Variants in NRXN1 observed in about 807,000 individuals in gnomAD.
NRXN1 encodes neurexin 1.
NRXN1 carries 39 observed loss-of-function variants against 150.9 expected under a neutral mutation model. The observed-to-expected ratio is 0.26, with a 90% CI of 0.20 to 0.34. NRXN1 has a LOEUF of 0.34. Ranked by LOEUF, NRXN1 falls within the 10% of genes least tolerant of loss-of-function variation. The pLI, the probability that NRXN1 is intolerant of heterozygous loss-of-function variation, is 1.00. For missense variants in NRXN1, 1,815 were observed against 1,949.9 expected (o/e 0.93, Z 1.30); for synonymous variants, 924 against 757.0 (o/e 1.22, Z -3.62).
chr2:50,067,316 C>A (rs954401234), intron 19 of NRXN1, among the ~76,000 whole-genome samples: 1 of 152,162 alleles, frequency 6.6e-6, no homozygotes, highest in Non-Finnish European at 1.5e-5. Context: ...TTTGTACAAG[C>A]ACTTGTTCCC....
chr2:50,537,016 T>C (rs781303080), intron 10 of NRXN1, among the ~76,000 whole-genome samples: 11 of 152,174 alleles, frequency 7.2e-5, no homozygotes, highest in Non-Finnish European at 1.6e-4. Context: ...GTTTAATATA[T>C]GATTTCTATG....
intron 18 of NRXN1, among the ~76,000 whole-genome samples, chr2:50,204,564 C>A (rs1013001922): frequency 2.6e-5 from 4 of 151,758 alleles, no homozygotes; most frequent in African/African-American, 9.7e-5. Flanking sequence ...TTAGAAGGGG[C>A]CTTAAAAATG....
chr2:50,872,139 AAGTT>A lies in NRXN1; in HGVS notation c.832+49726_832+49729del, dbSNP rs1293094329. On this transcript the variant is annotated intron_variant, in intron 5 of 22. Coordinates refer to ENST00000401669, the MANE Select transcript of NRXN1 (RefSeq NM_001330078.2). ...TTATGTGTGTGTATGCATGTGACAT[AAGTT>A]AGTTACTCTTTTATATATTTTTCAT... Among the ~76,000 whole-genome samples the A allele has an allele frequency of 5.3e-5, 8 of 151,956 alleles. No homozygotes were observed. The East Asian group carries it at 5.9e-4, about 11-fold the overall frequency.
chr2:50,685,809 C>T (rs938901204), intron 5 of NRXN1, among the ~76,000 whole-genome samples: 2 of 152,080 alleles, frequency 1.3e-5, no homozygotes, highest in African/African-American at 4.8e-5. Context: ...TCATCAAACC[C>T]CAATGTCTCA....
At chr2:50,271,675 A>G (rs1422798273) in intron 17 of NRXN1, among the ~76,000 whole-genome samples, 1 of 152,196 alleles carries the variant, frequency 6.6e-6, no homozygotes, top group South Asian at 2.1e-4. Flanking sequence ...AATTTTAACA[A>G]CTGAGAAACC....
rs1409426531 is a variant in NRXN1, at chr2:49,973,830, C to T, written c.4129-30039G>A. The T allele has an allele frequency of 8.5e-6, 5 of 586,134 alleles. No homozygotes were observed. In the Admixed American group the frequency reaches 1.3e-4, roughly 15 times the overall value. The allele number at this position is 586,134 out of a possible 1,614,324, so 36.3% of individuals were successfully genotyped here. ...CAATCTTCAAGAAGAAATATTTTAA[C>T]ATAAATCTTAAAATTAGTTTATCCA... On this transcript the variant is annotated intron_variant, in intron 21 of 22. Coordinates refer to ENST00000401669, the MANE Select transcript of NRXN1 (RefSeq NM_001330078.2).
chr2:50,250,356 A>G (rs1023361318), intron 17 of NRXN1, among the ~76,000 whole-genome samples: 1 of 152,174 alleles, frequency 6.6e-6, no homozygotes, highest in African/African-American at 2.4e-5. Context: ...TTTGATGAGG[A>G]AAGGCAAAAA....
At chr2:50,902,401 C>T (rs891601825) in intron 5 of NRXN1, among the ~76,000 whole-genome samples, 11 of 151,160 alleles carry the variant, frequency 7.3e-5, no homozygotes, top group African/African-American at 2.7e-4. Flanking sequence ...AAAAAGAGGT[C>T]ATAAATATTA....
intron 17 of NRXN1, among the ~76,000 whole-genome samples, chr2:50,431,701 G>A (rs1572947112): frequency 6.6e-6 from 1 of 152,118 alleles, no homozygotes; most frequent in Non-Finnish European, 1.5e-5. Context: ...ATTGTCCACG[G>A]CTGCTTTCAC....
intron 5 of NRXN1, among the ~76,000 whole-genome samples, chr2:50,808,285 T>C (rs1376884534): frequency 6.6e-6 from 1 of 152,106 alleles, no homozygotes; most frequent in African/African-American, 2.4e-5. Flanking sequence ...ACCAAATAGC[T>C]ACATTATATC....
chr2:50,895,411 T>C (rs2103881795), intron 5 of NRXN1, among the ~76,000 whole-genome samples: 1 of 152,242 alleles, frequency 6.6e-6, no homozygotes, highest in African/African-American at 2.4e-5. Flanking sequence ...TATAGATAAG[T>C]TGCTTTACCA....
chr2:50,383,686 G>A lies in NRXN1; in HGVS notation c.3364+81756C>T, dbSNP rs191257269. Among the ~76,000 whole-genome samples, 3 of 152,182 alleles carry A rather than the reference G, an allele frequency of 2.0e-5. No homozygotes were observed. The East Asian group carries it at 5.8e-4, about 30-fold the overall frequency. ...AGAGTGGGAAGAAAAATGGGTCCTGGTACTCCCTGAAAATAATATACATTT... is the reference window on the plus strand; with the variant it reads ...AGAGTGGGAAGAAAAATGGGTCCTGATACTCCCTGAAAATAATATACATTT... On this transcript the variant is annotated intron_variant, in intron 17 of 22. Coordinates refer to ENST00000401669, the MANE Select transcript of NRXN1 (RefSeq NM_001330078.2).
intron 22 of NRXN1, among the ~76,000 whole-genome samples, chr2:49,941,163 G>C (rs887850920): frequency 4.0e-5 from 6 of 151,830 alleles, no homozygotes; most frequent in African/African-American, 1.5e-4. Flanking sequence ...GGAGATTCAA[G>C]CTATACATTA....
intron 9 of NRXN1, among the ~76,000 whole-genome samples, chr2:50,539,455 A>G (rs900500563): frequency 6.6e-6 from 1 of 152,222 alleles, no homozygotes; most frequent in Admixed American, 6.5e-5. Flanking sequence ...AGTCCTAAGT[A>G]TGGAATAACC....
At chr2:50,606,786 T>C (rs1677202892) in intron 8 of NRXN1, among the ~76,000 whole-genome samples, 2 of 152,244 alleles carry the variant, frequency 1.3e-5, no homozygotes, top group African/African-American at 4.8e-5. Flanking sequence ...AAAAAAGTGA[T>C]AGTTTTAATT....
At chr2:50,524,913 T>C (rs1426080907) in intron 12 of NRXN1, among the ~76,000 whole-genome samples, 1 of 152,168 alleles carries the variant, frequency 6.6e-6, no homozygotes. Context: ...AGTTTGGATG[T>C]ATCGTTTGGA....
At position 50,061,965 on chromosome 2, in the gene NRXN1, A is replaced by G. The variant is rs371813797; in HGVS notation, c.3719-6921T>C. ...AGGAGGAAAGACTCCCTTCCCCCCA[A>G]TCCCTGTAGTAATGCCATTGCAACA... On this transcript the variant is annotated intron_variant, in intron 19 of 22. Transcript: ENST00000401669. 1.8e-4 allele frequency among the ~76,000 whole-genome samples: 27 copies of G among 152,076 alleles called. No homozygotes were observed. In the South Asian group the frequency reaches 5.2e-3, roughly 29 times the overall value.
At chr2:50,965,229 C>T (rs995246988) in intron 2 of NRXN1, among the ~76,000 whole-genome samples, 1 of 151,252 alleles carries the variant, frequency 6.6e-6, no homozygotes, top group Non-Finnish European at 1.5e-5. Context: ...TATTTGATTG[C>T]AGCTATTTTT....
Position 50,357,042 on chromosome 2 carries a change from G to A in NRXN1, c.3364+108400C>T, listed in dbSNP as rs556774118. Among the ~76,000 whole-genome samples the A allele has an allele frequency of 8.5e-4, 129 of 152,144 alleles. 1 individual carries two copies. Among genetic ancestry groups the A allele is most frequent in the African/African-American group, 2.8e-3 (118 of 41,524 alleles). On this transcript the variant is annotated intron_variant, in intron 17 of 22. Coordinates refer to ENST00000401669, the MANE Select transcript of NRXN1 (RefSeq NM_001330078.2). ...CTGAAATCTTAGCACTTTGGAAGGC[G>A]AAGACAGAAGGATCACTGGAGACTA...
Sources: gnomAD v4.1 joint callset for allele counts (sites outside exome capture counted in the v4.1 genomes callset) on GRCh38, gnomAD v4.1.1 for gene constraint, MANE v1.5 for transcripts, NCBI Gene and HGNC (gene_info 2026-07-23, HGNC 2026-07-21) for gene names.